ZC4H2: variants seen among roughly 807,000 people sequenced by gnomAD.
ZC4H2 encodes zinc finger C4H2-type containing, also known as zinc finger C4H2 domain-containing protein.
For synonymous variants in ZC4H2, 84 were observed against 66.3 expected, an observed-to-expected ratio of 1.27 and a Z score of -1.30; for missense variants, 137 against 173.9, an observed-to-expected ratio of 0.79 and a Z score of 1.19.
At chrX:65,034,459 A>G (rs1348145290) in intron 1 of ZC4H2, among the ~76,000 whole-genome samples, 1 of 112,044 alleles carries the variant, frequency 8.9e-6, no homozygotes, top group Non-Finnish European at 1.9e-5. Context: ...CAAATAAAAT[A>G]AAAACAAATA....
At position 65,001,477 on chromosome X, in the gene ZC4H2, C is replaced by G. The variant is rs1321148131; in HGVS notation, c.-272+33152G>C. Among the ~76,000 whole-genome samples, 4 of 111,925 alleles carry G rather than the reference C, an allele frequency of 3.6e-5. No individual in the cohort carries two copies. In the East Asian group the frequency reaches 8.4e-4, roughly 23 times the overall value. On this transcript the variant is annotated intron_variant, in intron 1 of 4. Transcript: ENST00000337990. ...CATGGAAAGGAAAAACTGTACTAATCACTGCAAAAACATACCAAATTGTAA... is the reference window on the plus strand; with the variant it reads ...CATGGAAAGGAAAAACTGTACTAATGACTGCAAAAACATACCAAATTGTAA...
chrX:64,946,019 G>A (rs1930511119), intron 1 of ZC4H2, among the ~76,000 whole-genome samples: 1 of 111,211 alleles, frequency 9.0e-6, no homozygotes, highest in Non-Finnish European at 1.9e-5. Context: ...GCTGGGCTCT[G>A]TGGGGGTGGG....
intron 1 of ZC4H2, among the ~76,000 whole-genome samples, chrX:64,994,563 C>T (rs1210468059): frequency 1.8e-5 from 2 of 112,007 alleles, no homozygotes; most frequent in Non-Finnish European, 3.8e-5. Context: ...GTTGACTTTA[C>T]CATTTCCAGC....
At chrX:64,927,454 C>T (rs952931799) in intron 1 of ZC4H2, among the ~76,000 whole-genome samples, 1 of 111,753 alleles carries the variant, frequency 8.9e-6, no homozygotes, top group Admixed American at 9.5e-5. Flanking sequence ...CTGCAAAGGA[C>T]ATAAACTCAT....
chrX:64,999,275 C>T (rs1221993202), intron 1 of ZC4H2, among the ~76,000 whole-genome samples: 1 of 110,941 alleles, frequency 9.0e-6, no homozygotes, highest in Non-Finnish European at 1.9e-5. Flanking sequence ...ACACTGTGTG[C>T]AGCCCACCAC....
At chrX:64,943,479 GCTCT>G (rs1476346342) in intron 1 of ZC4H2, among the ~76,000 whole-genome samples, 2 of 111,561 alleles carry the variant, frequency 1.8e-5, no homozygotes, top group Non-Finnish European at 3.8e-5. Flanking sequence ...TCTCTTTGTA[GCTCT>G]CTAAGAACTT....
chrX:64,994,753 G>T (rs1290980151), intron 1 of ZC4H2, among the ~76,000 whole-genome samples: 1 of 111,364 alleles, frequency 9.0e-6, no homozygotes, highest in Non-Finnish European at 1.9e-5. Flanking sequence ...TTTAAAGGTG[G>T]CCCAGTAGTA....
intron 1 of ZC4H2, among the ~76,000 whole-genome samples, chrX:64,942,919 G>T (rs1441637135): frequency 9.0e-6 from 1 of 111,673 alleles, no homozygotes; most frequent in Admixed American, 9.5e-5. Flanking sequence ...CTTTCACAAG[G>T]GTTGAACTAA....
chrX:64,952,172 G>A (rs1381024687), intron 1 of ZC4H2, among the ~76,000 whole-genome samples: 4 of 110,284 alleles, frequency 3.6e-5, no homozygotes, highest in African/African-American at 1.3e-4. Flanking sequence ...CTCTGTTTTG[G>A]TACCAGTACC....
chrX:65,010,150 C>A (rs1408942709), intron 1 of ZC4H2, among the ~76,000 whole-genome samples: 3 of 112,273 alleles, frequency 2.7e-5, no homozygotes, highest in Non-Finnish European at 5.6e-5. Context: ...TTAGGATAAA[C>A]CTTTAGTTTC....
chrX:64,993,795 A>T (rs190515145), intron 1 of ZC4H2, among the ~76,000 whole-genome samples: 1 of 112,432 alleles, frequency 8.9e-6, no homozygotes, highest in African/African-American at 3.2e-5. Context: ...CAGAATAATA[A>T]GAAGAAATGT....
chrX:65,011,701 CTTT>C (rs773822937), intron 1 of ZC4H2, among the ~76,000 whole-genome samples: 1 of 104,368 alleles, frequency 9.6e-6, no homozygotes, highest in Non-Finnish European at 2.0e-5. Context: ...AGTATGCCAT[CTTT>C]TTTTTTTGTA....
At chrX:65,030,287 T>C (rs1236477208) in intron 1 of ZC4H2, among the ~76,000 whole-genome samples, 1 of 109,731 alleles carries the variant, frequency 9.1e-6, no homozygotes, top group Non-Finnish European at 1.9e-5. Context: ...CCAGCTAATT[T>C]TTGTATTTTT....
At chrX:65,006,275 C>A (rs1932656982) in intron 1 of ZC4H2, among the ~76,000 whole-genome samples, 1 of 111,615 alleles carries the variant, frequency 9.0e-6, no homozygotes, top group Non-Finnish European at 1.9e-5. Flanking sequence ...TTTATTGCAG[C>A]ACTATTTACA....
At chrX:64,989,773 AT>A (rs1932273636) in intron 1 of ZC4H2, among the ~76,000 whole-genome samples, 1 of 112,292 alleles carries the variant, frequency 8.9e-6, no homozygotes, top group Non-Finnish European at 1.9e-5. Context: ...CTACATGAAA[AT>A]TTCTTCAACG....
intron 1 of ZC4H2, among the ~76,000 whole-genome samples, chrX:64,986,990 C>T (rs1044881853): frequency 1.5e-4 from 15 of 100,478 alleles, no homozygotes; most frequent in Admixed American, 1.1e-3. Flanking sequence ...TGCAGTGGCG[C>T]GATCTAGGCA....
chrX:64,970,607 T>C lies in ZC4H2; in HGVS notation c.53+5718A>G, dbSNP rs745549574. Among the ~76,000 whole-genome samples, 18 of 111,166 alleles carry C rather than the reference T, an allele frequency of 1.6e-4. 1 individual carries two copies. Among genetic ancestry groups the C allele is most frequent in the Non-Finnish European group, 2.1e-4 (11 of 52,909 alleles). ...GGGATAACTTGAGTGCTATAATAAA[T>C]CTCCCTGTGGAGTCTGTGGTTGGGG... On this transcript the variant is annotated intron_variant, in intron 1 of 4. Transcript: ENST00000374839.
chrX:64,975,603 G>A (rs1319895937), intron 1 of ZC4H2, among the ~76,000 whole-genome samples: 1 of 111,069 alleles, frequency 9.0e-6, no homozygotes, highest in Admixed American at 9.5e-5. Context: ...CAATATCATC[G>A]CTTTGCCAAA....
At chrX:64,992,222 C>T (rs931180394) in intron 1 of ZC4H2, among the ~76,000 whole-genome samples, 6 of 111,589 alleles carry the variant, frequency 5.4e-5, no homozygotes, top group African/African-American at 1.6e-4. Flanking sequence ...ACAATATAAA[C>T]GCTTCAGTCT....
Sources: gnomAD v4.1 joint callset for allele counts (sites outside exome capture counted in the v4.1 genomes callset) on GRCh38, gnomAD v4.1.1 for gene constraint, MANE v1.5 for transcripts, NCBI Gene and HGNC (gene_info 2026-07-23, HGNC 2026-07-21) for gene names.